The following INTU variants were observed in gnomAD, a reference collection of about 807,000 sequenced individuals.
INTU encodes the protein protein inturned.
INTU carries 68 observed loss-of-function variants against 100.5 expected under a neutral mutation model. That is an observed-to-expected ratio of 0.68 (90% confidence interval 0.56 to 0.83). The LOEUF is 0.83. INTU is among the 40% of genes least tolerant of loss of function. INTU has a pLI of 0.00. For missense variants in INTU, 1,071 were observed against 1,114.7 expected (o/e 0.96, Z 0.56); for synonymous variants, 357 against 395.7 (o/e 0.90, Z 1.16).
intron 14 of INTU, among the ~76,000 whole-genome samples, chr4:127,713,720 T>C (rs1211901298): frequency 1.3e-5 from 2 of 152,190 alleles, no homozygotes; most frequent in Non-Finnish European, 2.9e-5. Flanking sequence ...GAACAAAGTG[T>C]TCCCTAGAAA....
intron 8 of INTU, among the ~76,000 whole-genome samples, chr4:127,693,404 AT>A (rs764428699): frequency 6.6e-6 from 1 of 152,074 alleles, no homozygotes; most frequent in African/African-American, 2.4e-5. Flanking sequence ...AGAGCTACTG[AT>A]TTGTGTACAT....
At chr4:127,692,744 C>A (rs1020151865) in intron 8 of INTU, among the ~76,000 whole-genome samples, 7 of 152,120 alleles carry the variant, frequency 4.6e-5, no homozygotes, top group African/African-American at 1.4e-4. Flanking sequence ...TTTGATCCAT[C>A]TTGAGTTGAT....
chr4:127,709,928 A>G (rs1410526641), intron 13 of INTU, among the ~76,000 whole-genome samples: 1 of 152,216 alleles, frequency 6.6e-6, no homozygotes, highest in East Asian at 1.9e-4. Flanking sequence ...GCCTCCAAAT[A>G]TGAATGTTTA....
At position 127,706,715 on chromosome 4, in the gene INTU, A is replaced by G. The variant is rs945763471; in HGVS notation, c.2017A>G (p.Thr673Ala). The change falls in exon 12 of 16, where the codon ACT becomes GCT. Residue 673 changes from threonine to alanine, a missense_variant. Physicochemically the swap from Thr to Ala is moderately conservative, Grantham distance 58. Coordinates refer to ENST00000335251, the MANE Select transcript of INTU (RefSeq NM_015693.4). ...GSREKTDSLTTSPILSRLQGT... is the reference protein window; with the variant it reads ...GSREKTDSLTASPILSRLQGT... The stretch of plus-strand genomic sequence containing the variant: ...ACGTGAAAAAACAGATAGCTTGACC[A>G]CTTCGCCTATTCTCAGTAGGCTACA... The G allele has an allele frequency of 9.3e-6, 15 of 1,613,952 alleles. No individual in the cohort carries two copies. In the African/African-American group the frequency reaches 1.2e-4, roughly 13 times the overall value.
intron 13 of INTU, among the ~76,000 whole-genome samples, chr4:127,709,172 CT>C (rs1356041379): frequency 6.6e-6 from 1 of 152,096 alleles, no homozygotes; most frequent in Non-Finnish European, 1.5e-5. Context: ...TTTCTAATGA[CT>C]AATAAATAAG....
chr4:127,699,579 G>A (rs1037411669), intron 8 of INTU, among the ~76,000 whole-genome samples: 1 of 152,130 alleles, frequency 6.6e-6, no homozygotes, highest in Admixed American at 6.5e-5. Context: ...ATGGAGAATC[G>A]AGAACAACTC....
intron 8 of INTU, among the ~76,000 whole-genome samples, chr4:127,689,926 A>G (rs1730036649): frequency 6.6e-6 from 1 of 152,150 alleles, no homozygotes; most frequent in African/African-American, 2.4e-5. Flanking sequence ...CCACTTCATG[A>G]GTCAGAAGGT....
chr4:127,671,663 A>G (rs1030286284), intron 5 of INTU, among the ~76,000 whole-genome samples: 3 of 152,078 alleles, frequency 2.0e-5, no homozygotes, highest in Non-Finnish European at 4.4e-5. Flanking sequence ...ACCTGCACTC[A>G]TATATTTATG....
intron 1 of INTU, among the ~76,000 whole-genome samples, chr4:127,643,104 A>C (rs1727405118): frequency 6.6e-6 from 1 of 152,216 alleles, no homozygotes; most frequent in Non-Finnish European, 1.5e-5. Context: ...ACAATTTCCA[A>C]ATGGCATGCT....
chr4:127,706,660 G>C lies in INTU; in HGVS notation c.1962G>C (p.Leu654Phe). The C allele has an allele frequency of 6.2e-7, 1 of 1,614,076 alleles. No homozygotes were observed. The highest frequency in any genetic ancestry group is 8.5e-7 in the Non-Finnish European group (1 of 1,179,968). Residue 654 changes from leucine (L) to phenylalanine (F), a missense_variant, in exon 12 of 16, where the codon TTG becomes TTC. Physicochemically the swap from Leu to Phe is conservative, Grantham distance 22. Transcript: ENST00000335251. ...TAGCATCTTCTCCAGTCCCCTGTTTGTCTTGTGCTGACTGGTTCCTTACTG... is the reference window on the plus strand; with the variant it reads ...TAGCATCTTCTCCAGTCCCCTGTTTCTCTTGTGCTGACTGGTTCCTTACTG... ...ERLASSPVPC[L>F]SCADWFLTGS... is the part of the protein sequence containing the mutation.
rs1465455512 is a variant in INTU, at chr4:127,720,580, T to TA, written c.*4147dup. 6.6e-6 allele frequency: 1 copy of TA among 152,214 alleles called. No homozygotes were observed. Among genetic ancestry groups the TA allele is most frequent in the Non-Finnish European group, 1.5e-5 (1 of 68,032 alleles). 9.4% of individuals were successfully genotyped at this position (152,214 alleles called of 1,614,324 possible). A position where few individuals can be genotyped will look rare whatever the true frequency, so the allele number is the denominator to read the frequency against. ...TGATCTAATATTGACAGTGGGGTGT[T>TA]AAAGTCTCCCACTATTATTGTGTGG... On this transcript the variant is annotated 3_prime_UTR_variant, in exon 16 of 16. Transcript: ENST00000335251.
intron 8 of INTU, among the ~76,000 whole-genome samples, chr4:127,693,335 A>G (rs1465288657): frequency 1.3e-5 from 2 of 151,710 alleles, no homozygotes; most frequent in Non-Finnish European, 3.0e-5. Flanking sequence ...TTTTGCAGCT[A>G]TTGTGAAAGG....
chr4:127,702,214 A>C (rs1578627043), intron 9 of INTU, among the ~76,000 whole-genome samples: 1 of 152,174 alleles, frequency 6.6e-6, no homozygotes, highest in African/African-American at 2.4e-5. Context: ...AAAGAAAACC[A>C]TAATTCATAA....
At chr4:127,635,716 A>G (rs1446443908) in intron 1 of INTU, among the ~76,000 whole-genome samples, 1 of 152,202 alleles carries the variant, frequency 6.6e-6, no homozygotes, top group African/African-American at 2.4e-5. Context: ...TTAATGTACA[A>G]TTTGATGTTT....
In INTU at chr4:127,719,463, C is replaced by T. The variant is rs1731313675; in HGVS notation, c.*3027C>T. On this transcript the variant is annotated 3_prime_UTR_variant, in exon 16 of 16. Transcript: ENST00000335251. ...GTTTTCTTTTTTTGTTGTATCTCTG[C>T]CAGGTTTTGATATCAGGATGATGCT... 1 of 152,046 alleles carries T rather than the reference C, an allele frequency of 6.6e-6. No individual in the cohort carries two copies. Among genetic ancestry groups the T allele is most frequent in the South Asian group, 2.1e-4 (1 of 4,830 alleles). 9.4% of individuals were successfully genotyped at this position (152,046 alleles called of 1,614,324 possible).
chr4:127,654,515 G>A (rs1728079809), intron 2 of INTU, among the ~76,000 whole-genome samples: 1 of 152,160 alleles, frequency 6.6e-6, no homozygotes, highest in Admixed American at 6.5e-5. Context: ...ATTCTGGGTT[G>A]AAAATTCTTT....
chr4:127,696,271 G>T, intron 8 of INTU, among the ~76,000 whole-genome samples: 1 of 152,064 alleles, frequency 6.6e-6, no homozygotes, highest in Non-Finnish European at 1.5e-5. Context: ...GAGAGAATTG[G>T]TATAATTTCT....
intron 2 of INTU, among the ~76,000 whole-genome samples, chr4:127,655,831 G>C (rs544796989): frequency 8.7e-4 from 133 of 152,268 alleles, no homozygotes; most frequent in African/African-American, 2.9e-3. Context: ...CCTCGCTGCC[G>C]CCTTGCAGTT....
rs376536294 is a variant in INTU at position 127,687,689 on chromosome 4, A to G, written c.1271A>G (p.Gln424Arg). Residue 424 changes from glutamine to arginine, a missense_variant, in exon 8 of 16, where the codon CAG becomes CGG. Gln to Arg is a conservative substitution (Grantham distance 43). Coordinates refer to ENST00000335251, the MANE Select transcript of INTU (RefSeq NM_015693.4). The stretch of plus-strand genomic sequence containing the variant: ...TCTTATTTCTCCAGTGCCTTTTGCC[A>G]GATTGAGAATGTTCCTCGTTTGGAT... The part of the protein sequence containing the change: ...MYGSLDSAFC[Q>R]IENVPRLDHF... The G allele has an allele frequency of 2.5e-5, 41 of 1,609,294 alleles. No individual in the cohort carries two copies. The highest frequency in any genetic ancestry group is 3.3e-5 in the Non-Finnish European group (39 of 1,176,338).
Sources: gnomAD v4.1 joint callset for allele counts (sites outside exome capture counted in the v4.1 genomes callset) on GRCh38, gnomAD v4.1.1 for gene constraint, MANE v1.5 for transcripts, NCBI Gene and HGNC (gene_info 2026-07-23, HGNC 2026-07-21) for gene names.